Variants in MOV10L1 observed in about 807,000 individuals in gnomAD.
MOV10L1 encodes Mov10 like RNA helicase 1, also known as RNA helicase Mov10l1.
Under a neutral mutation model 143.8 loss-of-function variants are expected in MOV10L1, and 110 were observed. That is an observed-to-expected ratio of 0.76 (90% CI 0.66 to 0.90). The LOEUF is 0.90. MOV10L1 is among the 40% of genes least tolerant of loss of function. MOV10L1 has a pLI of 0.00. For missense variants in MOV10L1, 1,406 were observed against 1,526.8 expected (o/e 0.92, Z 1.32); for synonymous variants, 593 against 581.1 (o/e 1.02, Z -0.29).
chr22:50,090,229 C>T (rs2062390669), intron 1 of MOV10L1, 44 bp downstream of exon 1: 1 of 1,408,218 alleles, frequency 7.1e-7, no homozygotes, highest in South Asian at 1.6e-5. Context: ...CGGGCCCTCG[C>T]GTGTCGGCCA....
intron 22 of MOV10L1, among the ~76,000 whole-genome samples, chr22:50,157,388 G>A (rs910479998): frequency 5.3e-5 from 8 of 152,230 alleles, no homozygotes; most frequent in African/African-American, 1.7e-4. Flanking sequence ...CTTTGGTGTC[G>A]TATCCAAGAA....
Position 50,159,361 on chromosome 22 carries a change from G to A in MOV10L1, c.3217-317G>A. The stretch of plus-strand genomic sequence containing the variant: ...TCACGCCTGTAATCCCAGCACTTTG[G>A]GAGGCCGAGGTAGGCGGATCACAAG... On this transcript the variant is annotated intron_variant, in intron 23 of 26. Coordinates refer to ENST00000262794, the MANE Select transcript of MOV10L1 (RefSeq NM_018995.3). The surrounding 1 kb of genome is among the most constrained non-coding windows in gnomAD (Gnocchi z 4.1). 5.7e-6 allele frequency: 1 copy of A among 175,348 alleles called. No homozygotes were observed. The highest frequency in any genetic ancestry group is 1.4e-4 in the South Asian group (1 of 7,360). 10.9% of individuals were successfully genotyped at this position (175,348 alleles called of 1,614,324 possible).
chr22:50,161,242 C>T, intron 26 of MOV10L1, 126 bp from the exon 27 acceptor site: 1 of 1,023,462 alleles, frequency 9.8e-7, no homozygotes. Flanking sequence ...GTCATGTCAC[C>T]TTTCCCACAT....
intron 7 of MOV10L1, 65 bp from the exon 8 acceptor site, chr22:50,115,049 A>G (rs931901148): frequency 3.4e-5 from 51 of 1,487,988 alleles, no homozygotes; most frequent in Non-Finnish European, 4.5e-5. Context: ...TCCACTAAGC[A>G]TGCCAGCACT....
At position 50,099,584 on chromosome 22, in the gene MOV10L1, C is replaced by T. The variant is rs2062684224; in HGVS notation, c.424C>T (p.Leu142=). The change falls in exon 3 of 27, where the codon CTG becomes TTG. Residue 142 remains leucine (L), a synonymous_variant. Coordinates refer to ENST00000262794, the MANE Select transcript of MOV10L1 (RefSeq NM_018995.3). ...GCISQTTYFS[L]ESVCEGFEPC... ...TATCAGTCAGACCACCTACTTCTCT[C>T]TGGAGAGTGTGTGCGAAGGTATGCT... 9 of 1,612,662 alleles carry T rather than the reference C, an allele frequency of 5.6e-6. No homozygotes were observed. The East Asian group carries it at 6.7e-5, about 12-fold the overall frequency.
intron 15 of MOV10L1, among the ~76,000 whole-genome samples, chr22:50,135,165 C>T (rs1274088798): frequency 6.6e-6 from 1 of 151,912 alleles, no homozygotes; most frequent in Non-Finnish European, 1.5e-5. Context: ...AGGCATGTGC[C>T]ATCACACCCA....
chr22:50,147,917 T>C (rs1385891537), intron 19 of MOV10L1, among the ~76,000 whole-genome samples: 1 of 152,234 alleles, frequency 6.6e-6, no homozygotes, highest in Non-Finnish European at 1.5e-5. Flanking sequence ...CATTGATACC[T>C]GAAGTGAAAG....
At chr22:50,127,338 C>T (rs1184485464) in intron 12 of MOV10L1, among the ~76,000 whole-genome samples, 2 of 152,198 alleles carry the variant, frequency 1.3e-5, no homozygotes, top group South Asian at 4.1e-4. Context: ...AATGACCTTC[C>T]GTATCCTTTT....
chr22:50,108,638 C>T lies in MOV10L1; in HGVS notation c.556-19C>T. On this transcript the variant is annotated intron_variant, in intron 4 of 26. Transcript: ENST00000262794. Reference sequence around the variant, plus strand: ...CATGCAGCATCTGCTTCCTGTGACGCTCAGCTCTCTGCTCCCAGGTCTGCA... The same window carrying T: ...CATGCAGCATCTGCTTCCTGTGACGTTCAGCTCTCTGCTCCCAGGTCTGCA... 1.2e-6 allele frequency: 2 copies of T among 1,613,326 alleles called. No individual in the cohort carries two copies. Among genetic ancestry groups the T allele is most frequent in the Non-Finnish European group, 1.7e-6 (2 of 1,179,492 alleles).
intron 12 of MOV10L1, among the ~76,000 whole-genome samples, chr22:50,126,794 C>A (rs2062520198): frequency 6.6e-6 from 1 of 152,104 alleles, no homozygotes. Context: ...AAGATGAAGC[C>A]ACACATTACT....
At chr22:50,141,072 GAC>G (rs2062970912) in intron 15 of MOV10L1, among the ~76,000 whole-genome samples, 1 of 150,554 alleles carries the variant, frequency 6.6e-6, no homozygotes, top group South Asian at 2.1e-4. Flanking sequence ...TTTGTTTTGA[GAC>G]AGAGTCTCGC....
chr22:50,149,874 A>G (rs561010950), intron 20 of MOV10L1, among the ~76,000 whole-genome samples, 160 bp downstream of exon 20: 2 of 152,280 alleles, frequency 1.3e-5, no homozygotes, highest in Non-Finnish European at 2.9e-5. Context: ...ATTGTACTTT[A>G]TTCCTTTTGG....
intron 3 of MOV10L1, among the ~76,000 whole-genome samples, chr22:50,107,786 T>C (rs572615628): frequency 6.6e-6 from 1 of 152,256 alleles, no homozygotes; most frequent in South Asian, 2.1e-4. Context: ...GAACACCGTG[T>C]GTGTGTCCCT....
At chr22:50,102,676 CGGA>C (rs2061774860) in intron 3 of MOV10L1, among the ~76,000 whole-genome samples, 1 of 151,986 alleles carries the variant, frequency 6.6e-6, no homozygotes, top group Non-Finnish European at 1.5e-5. Context: ...CTGAGGCGGG[CGGA>C]TCACCTGAGG....
At chr22:50,142,038 A>T in intron 15 of MOV10L1, 43 bp from the exon 16 acceptor site, 1 of 1,554,096 alleles carries the variant, frequency 6.4e-7, no homozygotes, top group Non-Finnish European at 8.8e-7. Flanking sequence ...CAGTGTAAAC[A>T]CAGCTGTTTT....
At chr22:50,154,094 C>T (rs2063364848) in intron 22 of MOV10L1, among the ~76,000 whole-genome samples, 1 of 152,144 alleles carries the variant, frequency 6.6e-6, no homozygotes, top group Admixed American at 6.5e-5. Context: ...ATGTGTATGG[C>T]GGCTGTGAGG....
intron 4 of MOV10L1, 70 bp downstream of exon 4, chr22:50,108,318 C>T: frequency 7.5e-7 from 1 of 1,334,218 alleles, no homozygotes; most frequent in Middle Eastern, 1.8e-4. Context: ...CTTGCACGGC[C>T]CAGGCTTCTC....
At chr22:50,151,513 G>C (rs1214898049) in intron 21 of MOV10L1, among the ~76,000 whole-genome samples, 2 of 152,238 alleles carry the variant, frequency 1.3e-5, no homozygotes, top group Admixed American at 6.5e-5. Flanking sequence ...TGGTTGTCAA[G>C]GGTAGGGAGC....
In MOV10L1 at chr22:50,126,222, A is replaced by C; in HGVS notation, c.1768A>C (p.Thr590Pro). Residue 590 changes from threonine (T) to proline (P), a missense_variant, in exon 12 of 27, where the codon ACT (threonine) becomes CCT (proline). Thr to Pro is a conservative substitution (Grantham distance 38, BLOSUM62 -1). Coordinates refer to ENST00000262794, the MANE Select transcript of MOV10L1 (RefSeq NM_018995.3). ...LYAGDKLILK[T>P]QEYNGHAIEY... The stretch of plus-strand genomic sequence containing the variant: ...ACTAGGTGATAAACTGATTTTAAAA[A>C]CTCAAGAGTACAATGGACATGCCAT... 6.2e-7 allele frequency: 1 copy of C among 1,610,674 alleles called. No individual in the cohort carries two copies. The highest frequency in any genetic ancestry group is 8.5e-7 in the Non-Finnish European group (1 of 1,177,150).
Sources: gnomAD v4.1 joint callset for allele counts (sites outside exome capture counted in the v4.1 genomes callset) on GRCh38, gnomAD v4.1.1 for gene constraint, Gnocchi (gnomAD v3.1) non-coding constraint, MANE v1.5 for transcripts, NCBI Gene and HGNC (gene_info 2026-07-23, HGNC 2026-07-21) for gene names.